SCIN: variants seen among roughly 807,000 people sequenced by gnomAD.
SCIN encodes the protein adseverin.
Under a neutral mutation model 91.8 loss-of-function variants are expected in SCIN, and 91 were observed. The ratio of observed to expected loss-of-function variants is 0.99; its 90% CI spans 0.84 to 1.18. The LOEUF is 1.18. Ranked by LOEUF, SCIN falls within the 50% of genes most tolerant of loss-of-function variation. SCIN has a pLI of 0.00. For missense variants in SCIN, 1,087 were observed against 863.9 expected (o/e 1.26, Z -3.24); for synonymous variants, 367 against 312.6 (o/e 1.17, Z -1.84).
intron 4 of SCIN, among the ~76,000 whole-genome samples, chr7:12,615,302 G>T (rs1362635613): frequency 2.0e-5 from 3 of 152,092 alleles, no homozygotes; most frequent in Non-Finnish European, 4.4e-5. Context: ...ACACATCAAG[G>T]GAGGGACCTG....
intron 4 of SCIN, among the ~76,000 whole-genome samples, chr7:12,610,692 A>G (rs1738269575): frequency 1.3e-5 from 2 of 152,208 alleles, no homozygotes; most frequent in Non-Finnish European, 2.9e-5. Context: ...TTTTAAGACC[A>G]ACTAGATTTA....
chr7:12,617,071 T>C (rs1783314791), intron 4 of SCIN, among the ~76,000 whole-genome samples: 1 of 152,064 alleles, frequency 6.6e-6, no homozygotes, highest in African/African-American at 2.4e-5. Context: ...TGTAAGTCCA[T>C]GAGGAGGTGT....
chr7:12,582,327 A>G (rs1337636062), intron 3 of SCIN, among the ~76,000 whole-genome samples: 3 of 152,218 alleles, frequency 2.0e-5, no homozygotes, highest in African/African-American at 7.2e-5. Flanking sequence ...GATTCTGAAA[A>G]TAGAGTTACA....
At chr7:12,616,694 A>G (rs1783305939) in intron 4 of SCIN, among the ~76,000 whole-genome samples, 2 of 152,128 alleles carry the variant, frequency 1.3e-5, no homozygotes, top group East Asian at 1.9e-4. Context: ...CATAACAGAT[A>G]TATCTTGCCT....
Position 12,570,774 on chromosome 7 carries a change from G to T in SCIN, c.-13G>T. The stretch of plus-strand genomic sequence containing the variant: ...GATATCACGCGTCCCCCGGAGCATC[G>T]CGTGCAGGAGCCATGGCGCGGGAGC... On this transcript the variant is annotated 5_prime_UTR_variant, in exon 1 of 16. Transcript: ENST00000297029. 6.5e-7 allele frequency: 1 copy of T among 1,548,624 alleles called. No individual in the cohort carries two copies. The highest frequency in any genetic ancestry group is 8.7e-7 in the Non-Finnish European group (1 of 1,145,546).
chr7:12,652,784 G>T lies in SCIN; in HGVS notation c.*69G>T. On this transcript the variant is annotated 3_prime_UTR_variant, in exon 16 of 16. Coordinates refer to ENST00000297029, the MANE Select transcript of SCIN (RefSeq NM_001112706.3). ...CTCATTGCTGTTTTGGGAGAGGAACGGGAAAAGCTTTTTGCTTATTTGTCT... is the reference window on the plus strand; with the variant it reads ...CTCATTGCTGTTTTGGGAGAGGAACTGGAAAAGCTTTTTGCTTATTTGTCT... The T allele has an allele frequency of 6.4e-7, 1 of 1,554,534 alleles. No individual in the cohort carries two copies. The highest frequency in any genetic ancestry group is 8.6e-7 in the Non-Finnish European group (1 of 1,156,916).
intron 12 of SCIN, 30 bp downstream of exon 12, chr7:12,644,345 T>A (rs1169869096): frequency 4.5e-6 from 7 of 1,554,336 alleles, no homozygotes; most frequent in Non-Finnish European, 6.1e-6. Flanking sequence ...GGGCACTAAC[T>A]AGAATTTATA....
Position 12,604,495 on chromosome 7 carries a change from A to G in SCIN, c.517-19A>G, listed in dbSNP as rs1783030002. ...TTCCTCATATTCTTAGGGTCAACAG[A>G]TCTGTCTCTTTCTTTTAGGAAATTT... On this transcript the variant is annotated intron_variant, in intron 3 of 15. Coordinates refer to ENST00000297029, the MANE Select transcript of SCIN (RefSeq NM_001112706.3). 1 of 1,550,796 alleles carries G rather than the reference A, an allele frequency of 6.4e-7. No homozygotes were observed. The highest frequency in any genetic ancestry group is 2.0e-5 in the Admixed American group (1 of 50,992).
chr7:12,644,119 AT>A lies in SCIN; in HGVS notation c.1582-14del. 1 of 1,601,034 alleles carries A rather than the reference AT, an allele frequency of 6.2e-7. No individual in the cohort carries two copies. On this transcript the variant is annotated intron_variant, in intron 11 of 15. Coordinates refer to ENST00000297029, the MANE Select transcript of SCIN (RefSeq NM_001112706.3). ...AGCAATGAATTTGAATCATTGTTTT[AT>A]TTTTCTTCATATTCCAGGTTGATGT...
chr7:12,629,070 T>C (rs1783589586), intron 8 of SCIN, 31 bp from the exon 9 acceptor site: 1 of 1,549,502 alleles, frequency 6.5e-7, no homozygotes, highest in African/African-American at 1.4e-5. Context: ...AAGAAAATTG[T>C]AATTTGTTGT....
chr7:12,629,319 A>G (rs1324054576), intron 9 of SCIN, 97 bp downstream of exon 9: 4 of 1,174,072 alleles, frequency 3.4e-6, no homozygotes, highest in East Asian at 5.1e-5. Flanking sequence ...TAATCCTATA[A>G]TCATCCCAGT....
chr7:12,599,443 C>T (rs1782911632), intron 3 of SCIN, among the ~76,000 whole-genome samples: 1 of 151,732 alleles, frequency 6.6e-6, no homozygotes, highest in Non-Finnish European at 1.5e-5. Flanking sequence ...TTGGGCTGGT[C>T]CCATATTCTT....
intron 3 of SCIN, among the ~76,000 whole-genome samples, chr7:12,602,821 T>G (rs1372923765): frequency 6.6e-6 from 1 of 152,178 alleles, no homozygotes; most frequent in Non-Finnish European, 1.5e-5. Flanking sequence ...GATTTCATAT[T>G]GTTCAAACAC....
chr7:12,628,028 C>CGTGTGTGTGT (rs1215262855), intron 8 of SCIN, among the ~76,000 whole-genome samples: 8 of 71,054 alleles, frequency 1.1e-4, no homozygotes, highest in African/African-American at 3.6e-4. Flanking sequence ...GGCAAGTGTG[C>CGTGTGTGTGT]GCGCGTGTGT....
Position 12,636,050 on chromosome 7 carries a change from G to T in SCIN, c.1325G>T (p.Gly442Val). ...PRGQIIYTWQGANATRDELTT... is the reference protein window; with the variant it reads ...PRGQIIYTWQVANATRDELTT... ...TTTCACTTTCATTCCTCTAGGCAAG[G>T]AGCAAATGCCACACGAGATGAGCTG... is the stretch of plus-strand genomic sequence containing the variant. The change falls in exon 10 of 16, where the codon GGA becomes GTA. Residue 442 changes from glycine (G) to valine (V), a missense_variant. Transcript: ENST00000297029. 1 of 1,611,750 alleles carries T rather than the reference G, an allele frequency of 6.2e-7. No homozygotes were observed. The highest frequency in any genetic ancestry group is 1.1e-5 in the South Asian group (1 of 90,410).
At chr7:12,615,942 T>C (rs1204272001) in intron 4 of SCIN, among the ~76,000 whole-genome samples, 5 of 152,112 alleles carry the variant, frequency 3.3e-5, no homozygotes, top group African/African-American at 1.2e-4. Flanking sequence ...TACCTTTTCC[T>C]CAAAGGATAA....
At chr7:12,594,524 G>A (rs562141340) in intron 3 of SCIN, among the ~76,000 whole-genome samples, 75 of 152,280 alleles carry the variant, frequency 4.9e-4, no homozygotes, top group African/African-American at 1.6e-3. Context: ...GGGCCATTGG[G>A]AGCCATTGTC....
At chr7:12,583,173 A>C (rs1382481140) in intron 3 of SCIN, among the ~76,000 whole-genome samples, 1 of 152,182 alleles carries the variant, frequency 6.6e-6, no homozygotes, top group African/African-American at 2.4e-5. Flanking sequence ...AATCTATTCA[A>C]TTATCATGAA....
chr7:12,647,431 A>G (rs1161938887), intron 13 of SCIN, among the ~76,000 whole-genome samples: 1 of 152,210 alleles, frequency 6.6e-6, no homozygotes, highest in Non-Finnish European at 1.5e-5. Flanking sequence ...CTAAAAGCAC[A>G]GCTTTTAGAA....
Sources: gnomAD v4.1 joint callset for allele counts (sites outside exome capture counted in the v4.1 genomes callset) on GRCh38, gnomAD v4.1.1 for gene constraint, MANE v1.5 for transcripts, NCBI Gene and HGNC (gene_info 2026-07-23, HGNC 2026-07-21) for gene names.